The following UBE2O variants were observed in gnomAD, a reference collection of about 807,000 sequenced individuals.
UBE2O encodes ubiquitin conjugating enzyme E2 O.
In UBE2O, 15 loss-of-function variants were observed where a neutral mutation model predicts 125.8. That is an observed-to-expected ratio of 0.12 (90% confidence interval 0.08 to 0.18). The LOEUF (loss-of-function observed/expected upper bound fraction) is 0.18. Ranked by LOEUF, UBE2O falls within the 10% of genes least tolerant of loss-of-function variation. The probability of loss-of-function intolerance (pLI) is 1.00; values close to 1 mark genes in which losing one functional copy is unlikely to be tolerated. For synonymous variants in UBE2O, 708 were observed against 703.2 expected (o/e 1.01, Z -0.11); for missense variants, 1,280 against 1,723.6 (o/e 0.74, Z 4.56).
At chr17:76,426,525 T>G (rs1239076446) in intron 1 of UBE2O, among the ~76,000 whole-genome samples, 2 of 152,244 alleles carry the variant, frequency 1.3e-5, no homozygotes, top group African/African-American at 4.8e-5. Flanking sequence ...ACAAATGACC[T>G]AGTTTTAAAA....
At chr17:76,406,521 C>T (rs377295538) in intron 1 of UBE2O, among the ~76,000 whole-genome samples, 21 of 150,740 alleles carry the variant, frequency 1.4e-4, no homozygotes, top group African/African-American at 3.9e-4. Flanking sequence ...ACTGAGTCGC[C>T]GAAAAAGGAA....
rs545323978 is a variant in UBE2O at position 76,431,341 on chromosome 17, G to A, written c.417+21384C>T. ...AGCCTGGCCAACATGGTGAAATCCC[G>A]CCTCTACTAAAGATACAAAAAAAAA... is the stretch of plus-strand genomic sequence containing the variant. On this transcript the variant is annotated intron_variant, in intron 1 of 17. Coordinates refer to ENST00000319380, the MANE Select transcript of UBE2O (RefSeq NM_022066.4). Among the ~76,000 whole-genome samples, 5 of 146,702 alleles carry A rather than the reference G, an allele frequency of 3.4e-5. No homozygotes were observed. In the South Asian group the frequency reaches 6.4e-4, roughly 19 times the overall value.
In UBE2O at chr17:76,405,622, G is replaced by C; in HGVS notation, c.418-50C>G. ...GAGAATGGACTCTGAAGCCACCACAGAATACAGTTTTCTTCCAGCTTCTGA... is the reference window on the plus strand; with the variant it reads ...GAGAATGGACTCTGAAGCCACCACACAATACAGTTTTCTTCCAGCTTCTGA... On this transcript the variant is annotated intron_variant, in intron 1 of 17. Coordinates refer to ENST00000319380, the MANE Select transcript of UBE2O (RefSeq NM_022066.4). This position sits in a 1 kb window ranked among gnomAD's most constrained non-coding sequence, Gnocchi z 6.1. 2 of 1,480,964 alleles carry C rather than the reference G, an allele frequency of 1.4e-6. No individual in the cohort carries two copies. The highest frequency in any genetic ancestry group is 2.4e-5 in the South Asian group (2 of 83,276). The allele number at this position is 1,480,964 out of a possible 1,614,324, so 91.7% of individuals were successfully genotyped here.
At chr17:76,412,114 T>G (rs2072526326) in intron 1 of UBE2O, among the ~76,000 whole-genome samples, 1 of 152,164 alleles carries the variant, frequency 6.6e-6, no homozygotes, top group South Asian at 2.1e-4. Context: ...AGCCCCACAC[T>G]AGGTCCCTGG....
chr17:76,399,736 G>A lies in UBE2O; in HGVS notation c.1341C>T (p.Asp447=), dbSNP rs1309047394. 2.2e-5 allele frequency: 36 copies of A among 1,614,058 alleles called. No homozygotes were observed. The highest frequency in any genetic ancestry group is 3.0e-5 in the Non-Finnish European group (35 of 1,180,048). The part of the protein sequence containing the change: ...DGSASPVEMQ[D]EGAEEPHEAG... ...CCTCGTGGGGCTCCTCTGCACCCTC[G>A]TCCTGCATCTCCACTGGACTGGCAG... Residue 447 remains aspartate (D), a synonymous_variant, in exon 9 of 18, where the codon GAC becomes GAT. Coordinates refer to ENST00000319380, the MANE Select transcript of UBE2O (RefSeq NM_022066.4). The surrounding 1 kb of genome is among the most constrained non-coding windows in gnomAD (Gnocchi z 6.9).
chr17:76,406,786 G>A lies in UBE2O; in HGVS notation c.418-1214C>T, dbSNP rs189878991. Among the ~76,000 whole-genome samples, 856 of 137,002 alleles carry A rather than the reference G, an allele frequency of 6.2e-3. 5 individuals carry two copies. The highest frequency in any genetic ancestry group is 0.029 in the Middle Eastern group (6 of 210). The allele number at this position is 137,002 out of a possible 152,430, so 89.9% of individuals were successfully genotyped here. A position where few individuals can be genotyped will look rare whatever the true frequency, so the allele number is the denominator to read the frequency against. On this transcript the variant is annotated intron_variant, in intron 1 of 17. Transcript: ENST00000319380. ...GCAGTCTCGGCTCGCTGCAACCTTC[G>A]CCTCCCAGGTTCAAGCAATTCTCCC...
At chr17:76,447,932 C>T (rs574626024) in intron 1 of UBE2O, among the ~76,000 whole-genome samples, 88 of 152,294 alleles carry the variant, frequency 5.8e-4, no homozygotes, top group Non-Finnish European at 1.2e-3. Context: ...CTAGGCTTGA[C>T]CCAGCTACAC....
intron 1 of UBE2O, among the ~76,000 whole-genome samples, chr17:76,409,466 A>C (rs2072481825): frequency 6.7e-6 from 1 of 149,790 alleles, no homozygotes; most frequent in Admixed American, 6.6e-5. Flanking sequence ...GCACGACCTC[A>C]GCTCACTGCA....
chr17:76,434,228 A>T (rs66686654), intron 1 of UBE2O, among the ~76,000 whole-genome samples: 12,569 of 152,190 alleles, frequency 0.083, 714 homozygotes, highest in Non-Finnish European at 0.12. Context: ...CTAGACATAC[A>T]TGGAAACCCA....
Position 76,397,869 on chromosome 17 carries a change from G to A in UBE2O, c.2045C>T (p.Ala682Val), listed in dbSNP as rs962276770. ...CACCTTGCTGCTGACGTCCACACGGGCCACCTGGCCCACCGATGGCTGCTG... is the reference window on the plus strand; with the variant it reads ...CACCTTGCTGCTGACGTCCACACGGACCACCTGGCCCACCGATGGCTGCTG... ...KEDEPSVGQV[A>V]RVDVSSKVEV... Residue 682 changes from alanine (A) to valine (V), a missense_variant, in exon 13 of 18, where the codon GCC (alanine) becomes GTC (valine). By Grantham distance (64) the Ala-to-Val change is moderately conservative. Transcript: ENST00000319380. 1 of 1,614,026 alleles carries A rather than the reference G, an allele frequency of 6.2e-7. No individual in the cohort carries two copies. The highest frequency in any genetic ancestry group is 1.7e-5 in the Admixed American group (1 of 60,004).
rs1275336384 is a variant in UBE2O, at chr17:76,398,620, G to A, written c.1784-36C>T. 1 of 1,599,848 alleles carries A rather than the reference G, an allele frequency of 6.3e-7. No individual in the cohort carries two copies. Among genetic ancestry groups the A allele is most frequent in the Non-Finnish European group, 8.6e-7 (1 of 1,168,408 alleles). On this transcript the variant is annotated intron_variant, in intron 10 of 17. Transcript: ENST00000319380. The surrounding 1 kb of genome is among the most constrained non-coding windows in gnomAD (Gnocchi z 5.4). Reference sequence around the variant, plus strand: ...AGAGAAAGGGAAGTGACTAGCTAAGGGATCCCGGCTAAGGAGCCCACATCT... The same window carrying A: ...AGAGAAAGGGAAGTGACTAGCTAAGAGATCCCGGCTAAGGAGCCCACATCT...
At chr17:76,407,585 GAGA>G (rs1449014322) in intron 1 of UBE2O, among the ~76,000 whole-genome samples, 1 of 152,218 alleles carries the variant, frequency 6.6e-6, no homozygotes, top group Non-Finnish European at 1.5e-5. Flanking sequence ...GAAAGGAGGA[GAGA>G]AGAACGCAGA....
rs1468420101 is a variant in UBE2O at position 76,389,838 on chromosome 17, TTTTGAGTTTTTTTTCCAACCTTA to T, written c.*1082_*1104del. The T allele has an allele frequency of 6.6e-6, 1 of 152,028 alleles. No homozygotes were observed. The highest frequency in any genetic ancestry group is 1.5e-5 in the Non-Finnish European group (1 of 67,802). The allele number at this position is 152,028 out of a possible 1,614,324, so 9.4% of individuals were successfully genotyped here. A position where few individuals can be genotyped will look rare whatever the true frequency, so the allele number is the denominator to read the frequency against. On this transcript the variant is annotated 3_prime_UTR_variant, in exon 18 of 18. Transcript: ENST00000319380. ...TTCTAATAAGAGTTAATATCTTTGC[TTTTGAGTTTTTTTTCCAACCTTA>T]AATATTACATACATACACCAAAAAT...
rs149440030 is a variant in UBE2O, at chr17:76,416,471, G to A, written c.418-10899C>T. On this transcript the variant is annotated intron_variant, in intron 1 of 17. Coordinates refer to ENST00000319380, the MANE Select transcript of UBE2O (RefSeq NM_022066.4). ...TCTGGGAAAATTTGGGGGAAACAGC[G>A]GTGTTCCCCTGTAGCTATGCTCCCC... Among the ~76,000 whole-genome samples the A allele has an allele frequency of 3.1e-4, 47 of 152,228 alleles. 1 individual carries two copies. Among genetic ancestry groups the A allele is most frequent in the African/African-American group, 9.9e-4 (41 of 41,520 alleles).
chr17:76,392,584 G>A (rs1376254798), intron 15 of UBE2O, among the ~76,000 whole-genome samples: 2 of 151,820 alleles, frequency 1.3e-5, no homozygotes, highest in African/African-American at 4.8e-5. Flanking sequence ...TGGAATCATT[G>A]AACCCTGGCT....
chr17:76,399,037 C>G lies in UBE2O; in HGVS notation c.1629-46G>C. ...GCAGGCCATGCAAACCCCACCCCCT[C>G]CGCGGAAAGGGCAGAGAGTCTTTCT... On this transcript the variant is annotated intron_variant, in intron 9 of 17. Coordinates refer to ENST00000319380, the MANE Select transcript of UBE2O (RefSeq NM_022066.4). The surrounding 1 kb of genome is among the most constrained non-coding windows in gnomAD (Gnocchi z 6.9). The G allele has an allele frequency of 6.2e-7, 1 of 1,600,672 alleles. No individual in the cohort carries two copies. Among genetic ancestry groups the G allele is most frequent in the Non-Finnish European group, 8.5e-7 (1 of 1,174,382 alleles).
At chr17:76,429,114 C>T (rs1340254091) in intron 1 of UBE2O, among the ~76,000 whole-genome samples, 1 of 151,876 alleles carries the variant, frequency 6.6e-6, no homozygotes, top group Non-Finnish European at 1.5e-5. Context: ...GTTGGCCAGG[C>T]TGGTCTCGAA....
At chr17:76,423,155 A>G (rs2072737156) in intron 1 of UBE2O, among the ~76,000 whole-genome samples, 1 of 152,144 alleles carries the variant, frequency 6.6e-6, no homozygotes, top group Non-Finnish European at 1.5e-5. Flanking sequence ...AAGAGCAGGA[A>G]AAGGAGGAAG....
chr17:76,431,536 C>T (rs1178951663), intron 1 of UBE2O, among the ~76,000 whole-genome samples: 1 of 152,192 alleles, frequency 6.6e-6, no homozygotes, highest in South Asian at 2.1e-4. Flanking sequence ...CAGGAAATCA[C>T]AAATTCAAAA....
Sources: gnomAD v4.1 joint callset for allele counts (sites outside exome capture counted in the v4.1 genomes callset) on GRCh38, gnomAD v4.1.1 for gene constraint, Gnocchi (gnomAD v3.1) non-coding constraint, MANE v1.5 for transcripts, NCBI Gene and HGNC (gene_info 2026-07-23, HGNC 2026-07-21) for gene names.